The following UBALD2 variants were observed in gnomAD, a reference collection of about 807,000 sequenced individuals.
UBALD2 encodes UBA like domain containing 2.
UBALD2 carries 8 observed loss-of-function variants against 15.9 expected under a neutral mutation model. The ratio of observed to expected loss-of-function variants is 0.50; its 90% CI spans 0.29 to 0.91. The LOEUF is 0.91. Ranked by LOEUF, UBALD2 falls within the 40% of genes least tolerant of loss-of-function variation. The probability of loss-of-function intolerance (pLI) is 0.07; values close to 1 mark genes in which losing one functional copy is unlikely to be tolerated. For synonymous variants in UBALD2, 113 were observed against 97.7 expected, an observed-to-expected ratio of 1.16 and a Z score of -0.93; for missense variants, 178 against 234.8, an observed-to-expected ratio of 0.76 and a Z score of 1.58.
rs1206694454 is a variant in UBALD2, at chr17:76,270,590, G to A, written c.*85G>A. On this transcript the variant is annotated 3_prime_UTR_variant, in exon 3 of 3. Transcript: ENST00000327490. ...AGGAGGGCCAGGGAGGGGGGAGCCGGGGAGGGCAGGGGGTTTCCCGAAGAT... is the reference window on the plus strand; with the variant it reads ...AGGAGGGCCAGGGAGGGGGGAGCCGAGGAGGGCAGGGGGTTTCCCGAAGAT... 4 of 1,210,722 alleles carry A rather than the reference G, an allele frequency of 3.3e-6. No homozygotes were observed. The African/African-American group carries it at 6.4e-5, about 19-fold the overall frequency. 75.0% of individuals were successfully genotyped at this position (1,210,722 alleles called of 1,614,324 possible). A position where few individuals can be genotyped will look rare whatever the true frequency, so the allele number is the denominator to read the frequency against.
rs1228086008 is a variant in UBALD2 at position 76,265,456 on chromosome 17, C to T, written c.-50C>T. The T allele has an allele frequency of 1.3e-5, 13 of 1,011,004 alleles. No individual in the cohort carries two copies. Among genetic ancestry groups the T allele is most frequent in the Non-Finnish European group, 1.5e-5 (13 of 847,600 alleles). The allele number at this position is 1,011,004 out of a possible 1,614,324, so 62.6% of individuals were successfully genotyped here. A position where few individuals can be genotyped will look rare whatever the true frequency, so the allele number is the denominator to read the frequency against. ...GGCCGGCCTCCCGCGCCCGCGCAGC[C>T]CCGCGTCTGCGTCCGGCCGGAGACG... On this transcript the variant is annotated 5_prime_UTR_variant, in exon 1 of 3. Coordinates refer to ENST00000327490, the MANE Select transcript of UBALD2 (RefSeq NM_182565.4).
chr17:76,270,460 G>A lies in UBALD2; in HGVS notation c.450G>A (p.Gly150=), dbSNP rs1479330768. The A allele has an allele frequency of 6.0e-6, 9 of 1,494,688 alleles. No homozygotes were observed. Among genetic ancestry groups the A allele is most frequent in the Non-Finnish European group, 8.0e-6 (9 of 1,124,496 alleles). 92.6% of individuals were successfully genotyped at this position (1,494,688 alleles called of 1,614,324 possible). A position where few individuals can be genotyped will look rare whatever the true frequency, so the allele number is the denominator to read the frequency against. The stretch of plus-strand genomic sequence containing the variant: ...CGTGGCCCCCAGGAGCACAGCAGGG[G>A]GGCGCCCAGCAGAAAGCCATGGCGG... ...QPTWPPGAQQ[G]GAQQKAMAAM... The change falls in exon 3 of 3, where the codon GGG becomes GGA. Residue 150 remains glycine, a synonymous_variant. Coordinates refer to ENST00000327490, the MANE Select transcript of UBALD2 (RefSeq NM_182565.4).
intron 2 of UBALD2, among the ~76,000 whole-genome samples, chr17:76,268,895 A>G (rs2070565331): frequency 6.6e-6 from 1 of 151,830 alleles, no homozygotes; most frequent in African/African-American, 2.4e-5. Context: ...CACCACACCC[A>G]GCTAATTTTT....
intron 1 of UBALD2, 73 bp from the exon 2 acceptor site, chr17:76,265,834 C>A: frequency 6.6e-7 from 1 of 1,521,914 alleles, no homozygotes. Context: ...GCGGGGAGAG[C>A]CGGTGGGGGG....
chr17:76,270,285 A>G lies in UBALD2; in HGVS notation c.275A>G (p.Gln92Arg). ...FSKLRASEGL[Q>R]SSNSPMTAAA... is the part of the protein sequence containing the mutation. ...AAGCTCCGCGCCTCCGAGGGCCTGC[A>G]GAGCAGCAACAGCCCCATGACAGCC... Residue 92 changes from glutamine (Q) to arginine (R), a missense_variant, in exon 3 of 3, where the codon CAG becomes CGG. Coordinates refer to ENST00000327490, the MANE Select transcript of UBALD2 (RefSeq NM_182565.4). 1 of 1,611,692 alleles carries G rather than the reference A, an allele frequency of 6.2e-7. No homozygotes were observed. The highest frequency in any genetic ancestry group is 8.5e-7 in the Non-Finnish European group (1 of 1,179,858).
intron 2 of UBALD2, among the ~76,000 whole-genome samples, chr17:76,266,311 T>TG (rs1459964258): frequency 6.6e-6 from 1 of 151,050 alleles, no homozygotes; most frequent in Non-Finnish European, 1.5e-5. Flanking sequence ...CCCGGACGTC[T>TG]GGGGCACTGG....
At chr17:76,267,893 A>G (rs1359601028) in intron 2 of UBALD2, among the ~76,000 whole-genome samples, 1 of 151,988 alleles carries the variant, frequency 6.6e-6, no homozygotes, top group Non-Finnish European at 1.5e-5. Context: ...TCCCAACCTC[A>G]GGTGGTCCGC....
chr17:76,271,192 G>A lies in UBALD2; in HGVS notation c.*687G>A, dbSNP rs938281441. 5 of 152,224 alleles carry A rather than the reference G, an allele frequency of 3.3e-5. No homozygotes were observed. Among genetic ancestry groups the A allele is most frequent in the Admixed American group, 1.3e-4 (2 of 15,284 alleles). 9.4% of individuals were successfully genotyped at this position (152,224 alleles called of 1,614,324 possible). A position where few individuals can be genotyped will look rare whatever the true frequency, so the allele number is the denominator to read the frequency against. ...CCCTGCCCCTCCCGCTGCGTGTCCA[G>A]GTCCAAAGTGGAGAGCCTGCCTTTG... On this transcript the variant is annotated 3_prime_UTR_variant, in exon 3 of 3. Transcript: ENST00000327490.
At position 76,270,574 on chromosome 17, in the gene UBALD2, A is replaced by T; in HGVS notation, c.*69A>T. ...AGGGTTGTGGGGACACAGGAGGGCC[A>T]GGGAGGGGGGAGCCGGGGAGGGCAG... On this transcript the variant is annotated 3_prime_UTR_variant, in exon 3 of 3. Transcript: ENST00000327490. The T allele has an allele frequency of 1.9e-5, 23 of 1,198,658 alleles. No individual in the cohort carries two copies. The highest frequency in any genetic ancestry group is 2.5e-5 in the Non-Finnish European group (23 of 909,124). 74.3% of individuals were successfully genotyped at this position (1,198,658 alleles called of 1,614,324 possible).
Position 76,270,463 on chromosome 17 carries a change from C to A in UBALD2, c.453C>A (p.Gly151=). The A allele has an allele frequency of 7.0e-7, 1 of 1,436,674 alleles. No individual in the cohort carries two copies. 89.0% of individuals were successfully genotyped at this position (1,436,674 alleles called of 1,614,324 possible). ...GGCCCCCAGGAGCACAGCAGGGGGG[C>A]GCCCAGCAGAAAGCCATGGCGGCCA... ...PTWPPGAQQG[G]AQQKAMAAMD... The change falls in exon 3 of 3, where the codon GGC becomes GGA. Residue 151 remains glycine, a synonymous_variant. Coordinates refer to ENST00000327490, the MANE Select transcript of UBALD2 (RefSeq NM_182565.4).
At chr17:76,268,008 G>A (rs888177463) in intron 2 of UBALD2, among the ~76,000 whole-genome samples, 50 of 152,298 alleles carry the variant, frequency 3.3e-4, no homozygotes, top group African/African-American at 1.2e-3. Flanking sequence ...ATCAAAAAAC[G>A]AAACACTAGA....
At position 76,270,466 on chromosome 17, in the gene UBALD2, C is replaced by T; in HGVS notation, c.456C>T (p.Ala152=). ...CCCCAGGAGCACAGCAGGGGGGCGC[C>T]CAGCAGAAAGCCATGGCGGCCATGG... ...TWPPGAQQGG[A]QQKAMAAMDG... is the part of the protein sequence containing the mutation. The change falls in exon 3 of 3, where the codon GCC becomes GCT. Residue 152 remains alanine, a synonymous_variant. Transcript: ENST00000327490. The T allele has an allele frequency of 6.7e-7, 1 of 1,487,338 alleles. No individual in the cohort carries two copies. Among genetic ancestry groups the T allele is most frequent in the Non-Finnish European group, 8.9e-7 (1 of 1,121,282 alleles). 92.1% of individuals were successfully genotyped at this position (1,487,338 alleles called of 1,614,324 possible). A position where few individuals can be genotyped will look rare whatever the true frequency, so the allele number is the denominator to read the frequency against.
In UBALD2 at chr17:76,270,579, G is replaced by T. The variant is rs762523653; in HGVS notation, c.*74G>T. The T allele has an allele frequency of 4.9e-5, 63 of 1,281,764 alleles. No homozygotes were observed. The highest frequency in any genetic ancestry group is 5.5e-4 in the Middle Eastern group (2 of 3,616). 79.4% of individuals were successfully genotyped at this position (1,281,764 alleles called of 1,614,324 possible). ...TGTGGGGACACAGGAGGGCCAGGGA[G>T]GGGGGAGCCGGGGAGGGCAGGGGGT... On this transcript the variant is annotated 3_prime_UTR_variant, in exon 3 of 3. Coordinates refer to ENST00000327490, the MANE Select transcript of UBALD2 (RefSeq NM_182565.4).
At chr17:76,268,013 A>C (rs1442033442) in intron 2 of UBALD2, among the ~76,000 whole-genome samples, 1 of 152,206 alleles carries the variant, frequency 6.6e-6, no homozygotes, top group African/African-American at 2.4e-5. Context: ...AAAACGAAAC[A>C]CTAGAGACCA....
Position 76,270,384 on chromosome 17 carries a change from T to TTGCCCCC in UBALD2, c.374_375insTGCCCCC (p.Pro126AlafsTer116). 1 of 1,504,702 alleles carries TTGCCCCC rather than the reference T, an allele frequency of 6.6e-7. No homozygotes were observed. The highest frequency in any genetic ancestry group is 9.0e-7 in the Non-Finnish European group (1 of 1,116,154). The allele number at this position is 1,504,702 out of a possible 1,614,324, so 93.2% of individuals were successfully genotyped here. A position where few individuals can be genotyped will look rare whatever the true frequency, so the allele number is the denominator to read the frequency against. ...CCGCCCAGCCACCAGGCGCCCTGGA[T>TTGCCCCC]CCCGCCCTCCTCCCCCACCACCTTC... On this transcript the variant is annotated frameshift_variant, in exon 3 of 3. Transcript: ENST00000327490. LOFTEE classifies it high-confidence loss of function.
Position 76,270,580 on chromosome 17 carries a change from G to A in UBALD2, c.*75G>A. The A allele has an allele frequency of 1.6e-6, 2 of 1,288,890 alleles. No homozygotes were observed. The highest frequency in any genetic ancestry group is 2.0e-6 in the Non-Finnish European group (2 of 992,434). 79.8% of individuals were successfully genotyped at this position (1,288,890 alleles called of 1,614,324 possible). On this transcript the variant is annotated 3_prime_UTR_variant, in exon 3 of 3. Coordinates refer to ENST00000327490, the MANE Select transcript of UBALD2 (RefSeq NM_182565.4). ...GTGGGGACACAGGAGGGCCAGGGAG[G>A]GGGGAGCCGGGGAGGGCAGGGGGTT...
In UBALD2 at chr17:76,270,244, G is replaced by A. The variant is rs201183898; in HGVS notation, c.234G>A (p.Ala78=). The change falls in exon 3 of 3, where the codon GCG becomes GCA. Residue 78 remains alanine (A), a synonymous_variant. Transcript: ENST00000327490. Reference sequence around the variant, plus strand: ...CCACGCCGCCCAACTTCCCCGATGCGCTGGCCATGTTCTCCAAGCTCCGCG... The same window carrying A: ...CCACGCCGCCCAACTTCCCCGATGCACTGGCCATGTTCTCCAAGCTCCGCG... ...TPATPPNFPD[A]LAMFSKLRAS... is the part of the protein sequence containing the mutation. The A allele has an allele frequency of 2.0e-5, 32 of 1,612,670 alleles. No individual in the cohort carries two copies. In the East Asian group the frequency reaches 5.8e-4, roughly 29 times the overall value.
intron 2 of UBALD2, among the ~76,000 whole-genome samples, chr17:76,268,685 A>G (rs1383347634): frequency 6.7e-6 from 1 of 148,170 alleles, no homozygotes; most frequent in African/African-American, 2.5e-5. Flanking sequence ...TGTATGTTAC[A>G]CACCCCCTAC....
Position 76,270,384 on chromosome 17 carries a change from T to TGGGC in UBALD2, c.374_375insGGGC (p.Ile125MetfsTer116). On this transcript the variant is annotated frameshift_variant, in exon 3 of 3. Coordinates refer to ENST00000327490, the MANE Select transcript of UBALD2 (RefSeq NM_182565.4). LOFTEE classifies it high-confidence loss of function. ...CCGCCCAGCCACCAGGCGCCCTGGA[T>TGGGC]CCCGCCCTCCTCCCCCACCACCTTC... The TGGGC allele has an allele frequency of 6.6e-7, 1 of 1,504,920 alleles. No individual in the cohort carries two copies. The highest frequency in any genetic ancestry group is 9.0e-7 in the Non-Finnish European group (1 of 1,116,346). The allele number at this position is 1,504,920 out of a possible 1,614,324, so 93.2% of individuals were successfully genotyped here. A position where few individuals can be genotyped will look rare whatever the true frequency, so the allele number is the denominator to read the frequency against.
Sources: gnomAD v4.1 joint callset for allele counts (sites outside exome capture counted in the v4.1 genomes callset) on GRCh38, gnomAD v4.1.1 for gene constraint, MANE v1.5 for transcripts, NCBI Gene and HGNC (gene_info 2026-07-23, HGNC 2026-07-21) for gene names.